Variants in FRMD4B observed in about 807,000 individuals in gnomAD.
FRMD4B encodes the protein FERM domain containing 4B.
FRMD4B carries 74 observed loss-of-function variants against 141.5 expected under a neutral mutation model. That is an observed-to-expected ratio of 0.52 (90% CI 0.43 to 0.63). The LOEUF (loss-of-function observed/expected upper bound fraction) is 0.63. FRMD4B is among the 30% of genes least tolerant of loss of function. The probability of loss-of-function intolerance (pLI) is 0.00; values close to 1 mark genes in which losing one functional copy is unlikely to be tolerated. For missense variants in FRMD4B, 1,366 were observed against 1,253.4 expected, an observed-to-expected ratio of 1.09 and a Z score of -1.36; for synonymous variants, 506 against 467.9, an observed-to-expected ratio of 1.08 and a Z score of -1.05.
chr3:69,280,962 C>T (rs971660434), intron 5 of FRMD4B, among the ~76,000 whole-genome samples: 1 of 151,608 alleles, frequency 6.6e-6, no homozygotes, highest in South Asian at 2.1e-4. Context: ...CAGAGTTTCA[C>T]TCTTGTTGCC....
At chr3:69,353,650 C>CGCGCATGATGCGCGT (rs1703228671) in intron 1 of FRMD4B, 1 of 981,558 alleles carries the variant, frequency 1.0e-6, no homozygotes. Flanking sequence ...TGTGCGCGCG[C>CGCGCATGATGCGCGT]GTGTGTGTGC....
At chr3:69,366,707 A>C (rs1703668254) in intron 1 of FRMD4B, among the ~76,000 whole-genome samples, 1 of 145,976 alleles carries the variant, frequency 6.9e-6, no homozygotes, top group African/African-American at 2.6e-5. Flanking sequence ...AAGAGCACAA[A>C]CACGACCTTT....
chr3:69,343,053 A>C (rs1702791336), intron 1 of FRMD4B, among the ~76,000 whole-genome samples: 1 of 152,146 alleles, frequency 6.6e-6, no homozygotes, highest in East Asian at 1.9e-4. Flanking sequence ...TCCTGGGCTC[A>C]AGCAATCTTC....
At chr3:69,497,794 C>A (rs762229597) in intron 1 of FRMD4B, among the ~76,000 whole-genome samples, 13 of 152,114 alleles carry the variant, frequency 8.5e-5, no homozygotes, top group Non-Finnish European at 1.6e-4. Flanking sequence ...AATCATGGTG[C>A]ACTGCAGTCT....
intron 17 of FRMD4B, among the ~76,000 whole-genome samples, chr3:69,192,958 C>G (rs569420119): frequency 7.2e-5 from 11 of 151,912 alleles, no homozygotes; most frequent in Non-Finnish European, 1.3e-4. Context: ...GCTGGGACTA[C>G]AGGTATGTAC....
In FRMD4B at chr3:69,407,894, C is replaced by A. The variant is rs182354308; in HGVS notation, c.-1+24740G>T. 5.1e-4 allele frequency among the ~76,000 whole-genome samples: 77 copies of A among 152,180 alleles called. 1 individual carries two copies. Among genetic ancestry groups the A allele is most frequent in the Non-Finnish European group, 9.1e-4 (62 of 68,024 alleles). On this transcript the variant is annotated intron_variant, in intron 2 of 5. Transcript: ENST00000459638. ...ATTTTTTTTCCTCGTGGAGCCAGGG[C>A]TAGCTGAGGTTTTTATTCCTGGCCA...
chr3:69,541,027 T>G (rs1701176420), intron 1 of FRMD4B: 1 of 152,174 alleles, frequency 6.6e-6, no homozygotes, highest in African/African-American at 2.4e-5. Context: ...TTTCTTCCCC[T>G]CTAGACATTT....
At position 69,170,705 on chromosome 3, in the gene FRMD4B, C is replaced by T. The variant is rs192283919; in HGVS notation, c.*1156G>A. On this transcript the variant is annotated 3_prime_UTR_variant, in exon 23 of 23. Coordinates refer to ENST00000398540, the MANE Select transcript of FRMD4B (RefSeq NM_015123.3). ...TAAAAAACAAACAAACAAAACCCTA[C>T]AATAAACCATAGCTAATTAGTTCTT... The T allele has an allele frequency of 2.0e-5, 3 of 152,276 alleles. No homozygotes were observed. In the East Asian group the frequency reaches 5.8e-4, roughly 29 times the overall value. The allele number at this position is 152,276 out of a possible 1,614,324, so 9.4% of individuals were successfully genotyped here.
At chr3:69,295,168 T>C (rs1446780818) in intron 4 of FRMD4B, among the ~76,000 whole-genome samples, 1 of 152,110 alleles carries the variant, frequency 6.6e-6, no homozygotes, top group African/African-American at 2.4e-5. Flanking sequence ...TCATAGGTGA[T>C]GAAACAGGCC....
chr3:69,178,679 GAA>G lies in FRMD4B; in HGVS notation c.2852-2025_2852-2024del, dbSNP rs11294141. On this transcript the variant is annotated intron_variant, in intron 21 of 22. Transcript: ENST00000398540. ...AGACTGAGACTGTCTCTTTAAAAAAGAAAAAAAAAAAAAAAAGGAGCTGAGCT... is the reference window on the plus strand; with the variant it reads ...AGACTGAGACTGTCTCTTTAAAAAAGAAAAAAAAAAAAAAGGAGCTGAGCT... Among the ~76,000 whole-genome samples, 424 of 126,934 alleles carry G rather than the reference GAA, an allele frequency of 3.3e-3. 1 individual carries two copies. Among genetic ancestry groups the G allele is most frequent in the Middle Eastern group, 4.0e-3 (1 of 252 alleles). The allele number at this position is 126,934 out of a possible 152,430, so 83.3% of individuals were successfully genotyped here.
chr3:69,332,549 G>C (rs1469367381), intron 1 of FRMD4B, among the ~76,000 whole-genome samples: 1 of 152,022 alleles, frequency 6.6e-6, no homozygotes, highest in Non-Finnish European at 1.5e-5. Flanking sequence ...AATGAGACAA[G>C]ACTCCTGATG....
intron 1 of FRMD4B, among the ~76,000 whole-genome samples, chr3:69,497,102 G>T (rs908681288): frequency 1.3e-5 from 2 of 152,074 alleles, no homozygotes; most frequent in Non-Finnish European, 2.9e-5. Flanking sequence ...GAAGCTTTAA[G>T]GGCTATCACA....
At chr3:69,398,715 G>A (rs931186827) in intron 2 of FRMD4B, among the ~76,000 whole-genome samples, 1 of 152,114 alleles carries the variant, frequency 6.6e-6, no homozygotes, top group African/African-American at 2.4e-5. Flanking sequence ...ATCTAGCCAG[G>A]GCTCTGCTGG....
At chr3:69,383,960 T>G (rs1437893412) in intron 1 of FRMD4B, among the ~76,000 whole-genome samples, 1 of 152,040 alleles carries the variant, frequency 6.6e-6, no homozygotes, top group Non-Finnish European at 1.5e-5. Context: ...GGGACTTATT[T>G]TTTTTTTATT....
chr3:69,325,941 C>G (rs560017878), intron 1 of FRMD4B, among the ~76,000 whole-genome samples: 1 of 151,770 alleles, frequency 6.6e-6, no homozygotes, highest in African/African-American at 2.4e-5. Context: ...GTACTTCTCT[C>G]AAGAAAAAAG....
chr3:69,199,059 A>T (rs1178425312), intron 11 of FRMD4B: 1 of 306,872 alleles, frequency 3.3e-6, no homozygotes, highest in African/African-American at 2.2e-5. Context: ...TCACGAGGTC[A>T]GGAGATCGAG....
intron 1 of FRMD4B, among the ~76,000 whole-genome samples, chr3:69,507,002 T>C (rs373530495): frequency 6.6e-6 from 1 of 152,200 alleles, no homozygotes; most frequent in East Asian, 1.9e-4. Context: ...TAAATTTTGT[T>C]AAATTAAATT....
chr3:69,300,638 T>C (rs1337904862), intron 4 of FRMD4B, among the ~76,000 whole-genome samples: 2 of 152,256 alleles, frequency 1.3e-5, no homozygotes, highest in Non-Finnish European at 2.9e-5. Context: ...TCTGAAGACA[T>C]AACGCTTTCA....
At chr3:69,351,713 G>GA (rs1703156185) in intron 1 of FRMD4B, among the ~76,000 whole-genome samples, 1 of 152,186 alleles carries the variant, frequency 6.6e-6, no homozygotes, top group African/African-American at 2.4e-5. Context: ...ACAGAGCATA[G>GA]ATTCGGAACT....
Sources: allele counts gnomAD v4.1 joint callset (sites outside exome capture counted in the v4.1 genomes callset), GRCh38; gene constraint gnomAD v4.1.1; transcripts MANE v1.5; gene names NCBI Gene and HGNC (gene_info 2026-07-23, HGNC 2026-07-21).